The following NSUN7 variants were observed in gnomAD, a reference collection of about 807,000 sequenced individuals.
The protein encoded by NSUN7 is NOP2/Sun RNA methyltransferase family member 7, also known as protein NSUN7.
A neutral mutation model predicts 58.5 loss-of-function variants in NSUN7; 39 were observed. The ratio of observed to expected loss-of-function variants is 0.67; its 90% CI spans 0.52 to 0.87. The LOEUF is 0.87. NSUN7 is among the 40% of genes least tolerant of loss of function. The probability of loss-of-function intolerance (pLI) is 0.00; values close to 1 mark genes in which losing one functional copy is unlikely to be tolerated. For synonymous variants in NSUN7, 278 were observed against 303.7 expected, an observed-to-expected ratio of 0.92 and a Z score of 0.88; for missense variants, 765 against 844.1, an observed-to-expected ratio of 0.91 and a Z score of 1.16.
At chr4:40,804,975 G>A (rs760893196) in intron 10 of NSUN7, among the ~76,000 whole-genome samples, 11 of 152,084 alleles carry the variant, frequency 7.2e-5, no homozygotes, top group Non-Finnish European at 1.0e-4. Context: ...GCTTGATAGT[G>A]GGTGTACTTT....
intron 8 of NSUN7, among the ~76,000 whole-genome samples, chr4:40,791,972 C>T (rs1251498560): frequency 6.6e-6 from 1 of 152,156 alleles, no homozygotes; most frequent in East Asian, 1.9e-4. Context: ...GGTGGGTTAG[C>T]ACATTTTCCT....
intron 8 of NSUN7, among the ~76,000 whole-genome samples, chr4:40,792,824 A>C (rs1743154821): frequency 6.6e-6 from 1 of 152,194 alleles, no homozygotes; most frequent in South Asian, 2.1e-4. Context: ...AGGAGCTAAA[A>C]GCTTGAGCAA....
At chr4:40,798,727 C>G in intron 9 of NSUN7, 60 bp from the exon 10 acceptor site, 4 of 921,482 alleles carry the variant, frequency 4.3e-6, no homozygotes, top group Non-Finnish European at 6.7e-6. Flanking sequence ...GGAAACATAG[C>G]ACATTTGTAT....
At chr4:40,766,041 A>G (rs938072825) in intron 4 of NSUN7, among the ~76,000 whole-genome samples, 11 of 152,104 alleles carry the variant, frequency 7.2e-5, no homozygotes, top group Admixed American at 3.9e-4. Flanking sequence ...GGACAATTTG[A>G]CTTCCTCTTT....
rs1448051761 is a variant in NSUN7 at position 40,810,843 on chromosome 4, G to GA, written c.*1906dup. 2 of 152,172 alleles carry GA rather than the reference G, an allele frequency of 1.3e-5. No individual in the cohort carries two copies. The highest frequency in any genetic ancestry group is 6.5e-5 in the Admixed American group (1 of 15,278). The allele number at this position is 152,172 out of a possible 1,614,324, so 9.4% of individuals were successfully genotyped here. A position where few individuals can be genotyped will look rare whatever the true frequency, so the allele number is the denominator to read the frequency against. ...TGGTTAGGGTAGTCCATGCCTCAAG[G>GA]AAGGCGGTGCAGCTTAATTTAACAT... On this transcript the variant is annotated 3_prime_UTR_variant, in exon 12 of 12. Transcript: ENST00000381782.
At chr4:40,784,488 C>T (rs982820206) in intron 7 of NSUN7, among the ~76,000 whole-genome samples, 3 of 152,206 alleles carry the variant, frequency 2.0e-5, no homozygotes, top group African/African-American at 4.8e-5. Context: ...ACTCTTAAAA[C>T]ATGATGCTAA....
intron 11 of NSUN7, among the ~76,000 whole-genome samples, 166 bp downstream of exon 11, chr4:40,807,350 CTT>C (rs372231273): frequency 9.9e-4 from 139 of 139,762 alleles, no homozygotes; most frequent in Admixed American, 1.9e-3. Context: ...AAGCCCTGTT[CTT>C]TTTTTTTTTT....
chr4:40,757,651 TTGTGTATATATATACATTG>T (rs1560544989), intron 2 of NSUN7, among the ~76,000 whole-genome samples: 2 of 144,088 alleles, frequency 1.4e-5, no homozygotes, highest in East Asian at 2.0e-4. Context: ...TATATATACA[TTGTGTATATATATACATTG>T]TGTGTATATA....
At chr4:40,757,894 A>C (rs1207769788) in intron 2 of NSUN7, among the ~76,000 whole-genome samples, 1 of 93,606 alleles carries the variant, frequency 1.1e-5, no homozygotes, top group Non-Finnish European at 2.3e-5. Flanking sequence ...TGCCTCTCCT[A>C]TTCCTGTTTT....
At chr4:40,781,576 G>A (rs536102742) in intron 7 of NSUN7, among the ~76,000 whole-genome samples, 2 of 152,240 alleles carry the variant, frequency 1.3e-5, no homozygotes, top group South Asian at 4.1e-4. Context: ...CTCCCAAGTA[G>A]CTGGGACTAC....
At chr4:40,772,995 T>G (rs1577557939) in intron 4 of NSUN7, 2 of 152,244 alleles carry the variant, frequency 1.3e-5, no homozygotes, top group Admixed American at 6.5e-5. Context: ...GAAAAATCAT[T>G]GAGCCATCAT....
chr4:40,764,753 C>A (rs1316109785), intron 4 of NSUN7, among the ~76,000 whole-genome samples: 14 of 151,868 alleles, frequency 9.2e-5, no homozygotes, highest in African/African-American at 3.4e-4. Context: ...TGTTTCCTGA[C>A]TTTTTAATGA....
At chr4:40,793,606 T>G (rs555123794) in intron 8 of NSUN7, among the ~76,000 whole-genome samples, 2 of 152,230 alleles carry the variant, frequency 1.3e-5, no homozygotes, top group Non-Finnish European at 2.9e-5. Context: ...CATGCTCTAG[T>G]GAGTTCTAGA....
chr4:40,760,997 T>G (rs879610512), intron 3 of NSUN7, among the ~76,000 whole-genome samples, 174 bp from the exon 4 acceptor site: 4 of 144,484 alleles, frequency 2.8e-5, no homozygotes, highest in Non-Finnish European at 6.0e-5. Flanking sequence ...TTTGAAAGGG[T>G]TTTTTTTTTC....
At chr4:40,790,854 G>A in intron 8 of NSUN7, 109 bp downstream of exon 8, 1 of 827,734 alleles carries the variant, frequency 1.2e-6, no homozygotes, top group Non-Finnish European at 1.8e-6. Context: ...ATAAATAATA[G>A]CAACCACATA....
At chr4:40,800,704 A>T (rs988002085) in intron 10 of NSUN7, among the ~76,000 whole-genome samples, 1 of 152,160 alleles carries the variant, frequency 6.6e-6, no homozygotes, top group African/African-American at 2.4e-5. Context: ...TAACATTTTC[A>T]TCGTAAGTTT....
Position 40,775,357 on chromosome 4 carries a change from G to A in NSUN7, c.825+407G>A, listed in dbSNP as rs1410448936. Reference sequence around the variant, plus strand: ...AGTTTTTCATAATTTCTTTAATATAGTCTTATAGCTTTGATTTGTAAGAGG... The same window carrying A: ...AGTTTTTCATAATTTCTTTAATATAATCTTATAGCTTTGATTTGTAAGAGG... On this transcript the variant is annotated intron_variant, in intron 6 of 11. Transcript: ENST00000381782. This position sits in a 1 kb window ranked among gnomAD's most constrained non-coding sequence, Gnocchi z 4.3. 3.3e-5 allele frequency: 5 copies of A among 153,388 alleles called. No homozygotes were observed. Among genetic ancestry groups the A allele is most frequent in the African/African-American group, 7.2e-5 (3 of 41,404 alleles). The allele number at this position is 153,388 out of a possible 1,614,324, so 9.5% of individuals were successfully genotyped here.
At chr4:40,753,824 A>G (rs1231652971) in intron 2 of NSUN7, among the ~76,000 whole-genome samples, 3 of 152,116 alleles carry the variant, frequency 2.0e-5, no homozygotes, top group East Asian at 1.9e-4. Flanking sequence ...ATGATAGTTA[A>G]TAAGTGTCAT....
chr4:40,767,808 G>A (rs549372964), intron 4 of NSUN7, among the ~76,000 whole-genome samples: 8 of 152,242 alleles, frequency 5.3e-5, no homozygotes, highest in Non-Finnish European at 1.0e-4. Context: ...TGCTTCTCTC[G>A]TAGTATCTGC....
Sources: gnomAD v4.1 joint callset for allele counts (sites outside exome capture counted in the v4.1 genomes callset) on GRCh38, gnomAD v4.1.1 for gene constraint, Gnocchi (gnomAD v3.1) non-coding constraint, MANE v1.5 for transcripts, NCBI Gene and HGNC (gene_info 2026-07-23, HGNC 2026-07-21) for gene names.